The following SEMA4D variants were observed in gnomAD, a reference collection of about 807,000 sequenced individuals.
SEMA4D encodes semaphorin-4D.
A neutral mutation model predicts 74.8 loss-of-function variants in SEMA4D; 22 were observed. The ratio of observed to expected loss-of-function variants is 0.29; its 90% CI spans 0.21 to 0.42. SEMA4D has a LOEUF of 0.42. Ranked by LOEUF, SEMA4D falls within the 10% of genes least tolerant of loss-of-function variation. The probability of loss-of-function intolerance (pLI) is 1.00; values close to 1 mark genes in which losing one functional copy is unlikely to be tolerated. For synonymous variants in SEMA4D, 445 were observed against 463.7 expected, an observed-to-expected ratio of 0.96 and a Z score of 0.52; for missense variants, 937 against 1,118.4, an observed-to-expected ratio of 0.84 and a Z score of 2.31.
chr9:89,371,988 TGTGGTGTGTGTCTGGGGTGTG>T (rs1835029762), intron 16 of SEMA4D, among the ~76,000 whole-genome samples: 1 of 110,762 alleles, frequency 9.0e-6, no homozygotes, highest in South Asian at 3.1e-4. Flanking sequence ...GTGTCTGGGG[TGTGGTGTGTGTCTGGGGTGTG>T]GTGTGTGTCT....
intron 2 of SEMA4D, among the ~76,000 whole-genome samples, chr9:89,441,926 G>A (rs560294821): frequency 6.6e-6 from 1 of 152,320 alleles, no homozygotes; most frequent in East Asian, 1.9e-4. Context: ...GCCCATGTTT[G>A]ACAGTCCCTC....
At chr9:89,385,866 G>GGGGGGGGGGGCGCC in intron 13 of SEMA4D, 3 of 196,226 alleles carry the variant, frequency 1.5e-5, no homozygotes, top group Non-Finnish European at 2.7e-5. Context: ...CAGCGTGGAT[G>GGGGGGGGGGGCGCC]CCCGCCCACC....
chr9:89,379,480 C>T lies in SEMA4D; in HGVS notation c.1813G>A (p.Gly605Ser). The T allele has an allele frequency of 6.2e-7, 1 of 1,614,144 alleles. No homozygotes were observed. The highest frequency in any genetic ancestry group is 8.5e-7 in the Non-Finnish European group (1 of 1,180,014). Residue 605 changes from glycine (G) to serine (S), a missense_variant, in exon 16 of 16, where the codon GGC becomes AGC. Coordinates refer to ENST00000422704, the MANE Select transcript of SEMA4D (RefSeq NM_001371194.2). ...KAESPKYGLM[G>S]RKNLLIFNLS... is the part of the protein sequence containing the mutation. ...TTGAAGATGAGCAAGTTTTTTCTGC[C>T]CATAAGACCGTACTTGGGGCTCTCG...
intron 12 of SEMA4D, 121 bp downstream of exon 12, chr9:89,387,265 C>CA: frequency 1.2e-6 from 1 of 814,818 alleles, no homozygotes; most frequent in Non-Finnish European, 1.9e-6. Flanking sequence ...ACAAACCTCC[C>CA]AGGTCACCTC....
intron 16 of SEMA4D, chr9:89,367,813 C>T (rs572987662): frequency 6.6e-6 from 1 of 152,382 alleles, no homozygotes; most frequent in African/African-American, 2.4e-5. Flanking sequence ...TTTATTACAT[C>T]AACTCAGGAG....
intron 2 of SEMA4D, among the ~76,000 whole-genome samples, chr9:89,438,964 CTTTTTTTTTTT>C (rs57394947): frequency 7.9e-5 from 3 of 38,190 alleles, no homozygotes; most frequent in African/African-American, 3.5e-4. Flanking sequence ...CGCACCGGGC[CTTTTTTTTTTT>C]TTTTTTTTTT....
Position 89,492,824 on chromosome 9 carries a change from A to T in SEMA4D, c.-310+5095T>A, listed in dbSNP as rs1169389911. ...AAGGCCCGCCCCGCACCGCCCTCCT[A>T]CCATTGCTCATGTGTGCCTAAGTGT... On this transcript the variant is annotated intron_variant, in intron 1 of 15. Transcript: ENST00000422704. The surrounding 1 kb of genome is among the most constrained non-coding windows in gnomAD (Gnocchi z 4.3). 6.6e-6 allele frequency among the ~76,000 whole-genome samples: 1 copy of T among 151,996 alleles called. No homozygotes were observed. The highest frequency in any genetic ancestry group is 1.5e-5 in the Non-Finnish European group (1 of 67,970).
chr9:89,383,968 C>A (rs559432081), intron 13 of SEMA4D, among the ~76,000 whole-genome samples: 6 of 152,190 alleles, frequency 3.9e-5, no homozygotes, highest in African/African-American at 1.2e-4. Flanking sequence ...CGCGTCAGAC[C>A]CCGAGGGCAG....
In SEMA4D at chr9:89,363,429, C is replaced by G; in HGVS notation, c.2190+1G>C. The G allele has an allele frequency of 6.2e-7, 1 of 1,612,608 alleles. No homozygotes were observed. The stretch of plus-strand genomic sequence containing the variant: ...TTCTTTGCCCGGCTGCGGCCACTTA[C>G]CCACGCCTTCCTCCAGCTCTGCATC... On this transcript the variant is annotated splice_donor_variant, in intron 18 of 18. Transcript: ENST00000339861. LOFTEE classifies it high-confidence loss of function.
In SEMA4D at chr9:89,378,480, C is replaced by G; in HGVS notation, c.*224G>C. The stretch of plus-strand genomic sequence containing the variant: ...AAGTACTCCGACTGACTTCGGAACA[C>G]AAGACTGGGATGCAATGCTTGTCAT... On this transcript the variant is annotated 3_prime_UTR_variant, in exon 16 of 16. Coordinates refer to ENST00000422704, the MANE Select transcript of SEMA4D (RefSeq NM_001371194.2). 1.9e-6 allele frequency: 1 copy of G among 540,458 alleles called. No homozygotes were observed. The highest frequency in any genetic ancestry group is 2.3e-5 in the South Asian group (1 of 43,094). 33.5% of individuals were successfully genotyped at this position (540,458 alleles called of 1,614,324 possible).
intron 1 of SEMA4D, among the ~76,000 whole-genome samples, chr9:89,459,004 A>C (rs1164602299): frequency 1.3e-5 from 2 of 152,200 alleles, no homozygotes; most frequent in Non-Finnish European, 2.9e-5. Context: ...CACACTGTGC[A>C]TGGTCCTTAT....
intron 2 of SEMA4D, among the ~76,000 whole-genome samples, chr9:89,440,337 G>C (rs35231053): frequency 0.15 from 23,491 of 152,098 alleles, 2,388 homozygotes; most frequent in Non-Finnish European, 0.22. Flanking sequence ...CCATGGTATA[G>C]CTACATGAGT....
At chr9:89,481,208 A>G (rs565898161) in intron 1 of SEMA4D, among the ~76,000 whole-genome samples, 3 of 152,252 alleles carry the variant, frequency 2.0e-5, no homozygotes, top group African/African-American at 7.2e-5. Flanking sequence ...GGACGTGCCC[A>G]CCTGGCCTTG....
chr9:89,382,277 CTCTGCCCAGGGCA>C (rs1837290688), intron 13 of SEMA4D, among the ~76,000 whole-genome samples: 1 of 152,246 alleles, frequency 6.6e-6, no homozygotes, highest in South Asian at 2.1e-4. Flanking sequence ...GCTCTCTAGC[CTCTGCCCAGGGCA>C]TCTGCCTCAA....
chr9:89,416,285 C>T (rs1845685788), intron 2 of SEMA4D, among the ~76,000 whole-genome samples: 1 of 152,306 alleles, frequency 6.6e-6, no homozygotes, highest in African/African-American at 2.4e-5. Flanking sequence ...CAAAGCGACA[C>T]GTGGGAAGAC....
At position 89,395,450 on chromosome 9, in the gene SEMA4D, T is replaced by G. The variant is rs1840753445; in HGVS notation, c.414+1287A>C. Among the ~76,000 whole-genome samples the G allele has an allele frequency of 3.3e-5, 5 of 150,872 alleles. No individual in the cohort carries two copies. In the South Asian group the frequency reaches 1.1e-3, roughly 32 times the overall value. ...AAAAAAAAAAAAAAATTAGGAAAAA[T>G]TATAGGTCTAAATTTAAACCAAATA... On this transcript the variant is annotated intron_variant, in intron 6 of 15. Coordinates refer to ENST00000422704, the MANE Select transcript of SEMA4D (RefSeq NM_001371194.2).
rs896454136 is a variant in SEMA4D, at chr9:89,481,590, T to C, written c.-310+16329A>G. ...GAGGGCAGCAGACACCCGTGGCGGA[T>C]ATAAATGTGCCTAAATTGTGGCAGA... On this transcript the variant is annotated intron_variant, in intron 1 of 15. Transcript: ENST00000422704. Among the ~76,000 whole-genome samples, 8 of 152,318 alleles carry C rather than the reference T, an allele frequency of 5.3e-5. No individual in the cohort carries two copies. In the East Asian group the frequency reaches 9.6e-4, roughly 18 times the overall value.
chr9:89,443,377 C>T (rs551520380), intron 2 of SEMA4D, among the ~76,000 whole-genome samples: 16 of 152,242 alleles, frequency 1.1e-4, no homozygotes, highest in South Asian at 2.1e-4. Flanking sequence ...CACCTTCCCA[C>T]GGGGCCTGGC....
chr9:89,446,269 C>T (rs1253066399), intron 2 of SEMA4D, among the ~76,000 whole-genome samples: 1 of 152,206 alleles, frequency 6.6e-6, no homozygotes, highest in Non-Finnish European at 1.5e-5. Flanking sequence ...ATTTGGGGCC[C>T]ACCAGATAGT....
Sources: gnomAD v4.1 joint callset for allele counts (sites outside exome capture counted in the v4.1 genomes callset) on GRCh38, gnomAD v4.1.1 for gene constraint, Gnocchi (gnomAD v3.1) non-coding constraint, MANE v1.5 for transcripts, NCBI Gene and HGNC (gene_info 2026-07-23, HGNC 2026-07-21) for gene names.